The following SZRD1 variants were observed in gnomAD, a reference collection of about 807,000 sequenced individuals.
SZRD1 encodes the protein SUZ RNA binding domain containing 1, also known as SUZ RNA-binding domain-containing.
In SZRD1, 7 loss-of-function variants were observed where a neutral mutation model predicts 17.6. That is an observed-to-expected ratio of 0.40 (90% CI 0.23 to 0.75). SZRD1 has a LOEUF of 0.75. SZRD1 is among the 30% of genes least tolerant of loss of function. The probability of loss-of-function intolerance (pLI) is 0.38; values close to 1 mark genes in which losing one functional copy is unlikely to be tolerated. For missense variants in SZRD1, 178 were observed against 201.8 expected (o/e 0.88, Z 0.71); for synonymous variants, 77 against 77.9 (o/e 0.99, Z 0.06).
chr1:16,377,982 G>A (rs1033169201), intron 1 of SZRD1, among the ~76,000 whole-genome samples: 2 of 152,120 alleles, frequency 1.3e-5, no homozygotes, highest in African/African-American at 4.8e-5. Context: ...GTATTGCTTA[G>A]TGTTGTACGA....
intron 1 of SZRD1, among the ~76,000 whole-genome samples, chr1:16,375,809 A>G (rs1363169102): frequency 6.6e-6 from 1 of 152,224 alleles, no homozygotes. Context: ...ATGAGATTGT[A>G]TAGAAGGAAA....
At chr1:16,371,166 C>G (rs1175580237) in intron 1 of SZRD1, among the ~76,000 whole-genome samples, 2 of 152,130 alleles carry the variant, frequency 1.3e-5, no homozygotes, top group Non-Finnish European at 2.9e-5. Context: ...TTTTGGAGAT[C>G]CCTGCCCTCC....
rs553784659 is a variant in SZRD1 at position 16,389,576 on chromosome 1, G to A, written c.52-1799G>A. ...TCCGCCCACCTCGGCCTCCCAAAGT[G>A]CTGGCATTGCAGGCGTGAGCCACCG... On this transcript the variant is annotated intron_variant, in intron 1 of 3. Coordinates refer to ENST00000401088, the MANE Select transcript of SZRD1 (RefSeq NM_001114600.3). Among the ~76,000 whole-genome samples the A allele has an allele frequency of 2.3e-4, 35 of 151,904 alleles. No individual in the cohort carries two copies. In the South Asian group the frequency reaches 7.1e-3, roughly 31 times the overall value.
intron 1 of SZRD1, among the ~76,000 whole-genome samples, chr1:16,375,598 C>T (rs1457642315): frequency 1.3e-5 from 2 of 152,178 alleles, no homozygotes; most frequent in Non-Finnish European, 2.9e-5. Flanking sequence ...CAGGCGTGAG[C>T]CACCGCGCCC....
intron 1 of SZRD1, among the ~76,000 whole-genome samples, chr1:16,382,795 C>T (rs1226256287): frequency 4.0e-5 from 6 of 151,846 alleles, no homozygotes; most frequent in South Asian, 2.1e-4. Flanking sequence ...TGTGCCGAGT[C>T]GGGACCCATC....
chr1:16,371,514 T>A (rs950410253), intron 1 of SZRD1, among the ~76,000 whole-genome samples: 8 of 147,606 alleles, frequency 5.4e-5, no homozygotes, highest in African/African-American at 1.5e-4. Context: ...CAGGCTGGAG[T>A]GCAGTGGCGC....
At chr1:16,378,384 A>G (rs530060739) in intron 1 of SZRD1, among the ~76,000 whole-genome samples, 2 of 145,020 alleles carry the variant, frequency 1.4e-5, no homozygotes, top group African/African-American at 2.6e-5. Context: ...CCCAGGTTTG[A>G]GCAAATTCTC....
chr1:16,378,551 G>A (rs2083041060), intron 1 of SZRD1, among the ~76,000 whole-genome samples: 1 of 152,052 alleles, frequency 6.6e-6, no homozygotes, highest in Non-Finnish European at 1.5e-5. Context: ...GCCTCGCAAA[G>A]TGTTGGGATT....
Position 16,371,352 on chromosome 1 carries a change from A to G in SZRD1, c.51+4044A>G, listed in dbSNP as rs532439845. On this transcript the variant is annotated intron_variant, in intron 1 of 3. Transcript: ENST00000401088. ...ATTACAGGCATGAGCCATCATGCCC[A>G]GCCAAAAATTTTTTGACATCATGTA... is the stretch of plus-strand genomic sequence containing the variant. Among the ~76,000 whole-genome samples the G allele has an allele frequency of 8.0e-5, 12 of 149,458 alleles. No homozygotes were observed. In the East Asian group the frequency reaches 2.2e-3, roughly 28 times the overall value.
chr1:16,384,688 G>A (rs1336489454), intron 1 of SZRD1, among the ~76,000 whole-genome samples: 1 of 152,220 alleles, frequency 6.6e-6, no homozygotes, highest in African/African-American at 2.4e-5. Context: ...GGCTGTGTGG[G>A]AGTTCAGGGC....
chr1:16,387,214 C>G (rs956392276), intron 1 of SZRD1: 1 of 437,940 alleles, frequency 2.3e-6, no homozygotes, highest in African/African-American at 2.0e-5. Flanking sequence ...TTTACTCAGA[C>G]ATGGCCTACG....
rs1275351010 is a variant in SZRD1, at chr1:16,397,681, G to A, written c.*2541G>A. On this transcript the variant is annotated 3_prime_UTR_variant, in exon 4 of 4. Transcript: ENST00000401088. The surrounding 1 kb of genome is among the most constrained non-coding windows in gnomAD (Gnocchi z 5.4). The stretch of plus-strand genomic sequence containing the variant: ...CTCTGATGTCAGCCTATAACCAAAG[G>A]AGCTGGGGGGTCCAGGCCTGGTGAC... 6.6e-6 allele frequency: 1 copy of A among 152,382 alleles called. No homozygotes were observed. Among genetic ancestry groups the A allele is most frequent in the Non-Finnish European group, 1.5e-5 (1 of 68,216 alleles). The allele number at this position is 152,382 out of a possible 1,614,324, so 9.4% of individuals were successfully genotyped here.
chr1:16,383,020 C>G (rs745317748), intron 1 of SZRD1, among the ~76,000 whole-genome samples: 3 of 152,036 alleles, frequency 2.0e-5, no homozygotes, highest in Non-Finnish European at 4.4e-5. Flanking sequence ...TGCCCGCCAC[C>G]ACGTCCGGCT....
rs2085218127 is a variant in SZRD1 at position 16,391,291 on chromosome 1, A to G, written c.52-84A>G. ...TCATGTCCCTGGCTAGAGAAAGGACACTGCCCTTAGCTCCAAAAATAAAGA... is the reference window on the plus strand; with the variant it reads ...TCATGTCCCTGGCTAGAGAAAGGACGCTGCCCTTAGCTCCAAAAATAAAGA... On this transcript the variant is annotated intron_variant, in intron 1 of 3. Transcript: ENST00000401088. The surrounding 1 kb of genome is among the most constrained non-coding windows in gnomAD (Gnocchi z 4.3). 9.9e-7 allele frequency: 1 copy of G among 1,011,028 alleles called. No individual in the cohort carries two copies. The allele number at this position is 1,011,028 out of a possible 1,614,324, so 62.6% of individuals were successfully genotyped here.
In SZRD1 at chr1:16,393,408, G is replaced by A. The variant is rs1370646285; in HGVS notation, c.282G>A (p.Glu94=). The change falls in exon 3 of 4, where the codon GAG becomes GAA. Residue 94 remains glutamate (E), a synonymous_variant. Transcript: ENST00000401088. This position sits in a 1 kb window ranked among gnomAD's most constrained non-coding sequence, Gnocchi z 5.6. ...PVKSLAQREA[E]YAEARKRILG... is the part of the protein sequence containing the mutation. Reference sequence around the variant, plus strand: ...AGTCCCTAGCACAGCGAGAGGCCGAGTACGCCGAGGCCCGGAAGCGGATCC... The same window carrying A: ...AGTCCCTAGCACAGCGAGAGGCCGAATACGCCGAGGCCCGGAAGCGGATCC... 1 of 1,614,192 alleles carries A rather than the reference G, an allele frequency of 6.2e-7. No homozygotes were observed. Among genetic ancestry groups the A allele is most frequent in the East Asian group, 2.2e-5 (1 of 44,890 alleles).
At chr1:16,370,885 C>A (rs2082903086) in intron 1 of SZRD1, among the ~76,000 whole-genome samples, 1 of 152,152 alleles carries the variant, frequency 6.6e-6, no homozygotes, top group Non-Finnish European at 1.5e-5. Flanking sequence ...CACAAAGGTT[C>A]TTGTAAATAT....
intron 1 of SZRD1, among the ~76,000 whole-genome samples, chr1:16,390,370 G>T (rs953280364): frequency 6.6e-6 from 1 of 152,220 alleles, no homozygotes; most frequent in Non-Finnish European, 1.5e-5. Flanking sequence ...GTCCTGCTCA[G>T]GGCTTGAAGA....
chr1:16,391,514 AG>A lies in SZRD1; in HGVS notation c.101+91del. ...TGTTCTCCAGCTGGCCATTAGGATT[AG>A]CAGGTCCTAGCAGGTCAGGCTCTGG... On this transcript the variant is annotated intron_variant, in intron 2 of 3. Transcript: ENST00000401088. The surrounding 1 kb of genome is among the most constrained non-coding windows in gnomAD (Gnocchi z 4.3). 9.6e-7 allele frequency: 1 copy of A among 1,045,342 alleles called. No individual in the cohort carries two copies. Among genetic ancestry groups the A allele is most frequent in the Non-Finnish European group, 1.4e-6 (1 of 702,944 alleles). The allele number at this position is 1,045,342 out of a possible 1,614,324, so 64.8% of individuals were successfully genotyped here.
Position 16,398,009 on chromosome 1 carries a change from GC to G in SZRD1, c.*2870del. On this transcript the variant is annotated 3_prime_UTR_variant, in exon 4 of 4. Coordinates refer to ENST00000401088, the MANE Select transcript of SZRD1 (RefSeq NM_001114600.3). ...TGAACAGAAGGGCATGGGAGGGAGGGCTGCACCCCTGCAGTCTTACTCTGCT... is the reference window on the plus strand; with the variant it reads ...TGAACAGAAGGGCATGGGAGGGAGGGTGCACCCCTGCAGTCTTACTCTGCT... 1.2e-6 allele frequency: 1 copy of G among 820,240 alleles called. No individual in the cohort carries two copies. The highest frequency in any genetic ancestry group is 1.5e-6 in the Non-Finnish European group (1 of 679,566). The allele number at this position is 820,240 out of a possible 1,614,324, so 50.8% of individuals were successfully genotyped here. A position where few individuals can be genotyped will look rare whatever the true frequency, so the allele number is the denominator to read the frequency against.
Sources: allele counts gnomAD v4.1 joint callset (sites outside exome capture counted in the v4.1 genomes callset), GRCh38; gene constraint gnomAD v4.1.1; non-coding constraint Gnocchi (gnomAD v3.1); transcripts MANE v1.5; gene names NCBI Gene and HGNC (gene_info 2026-07-23, HGNC 2026-07-21).